CHST8: variants seen among roughly 807,000 people sequenced by gnomAD.
CHST8 encodes the protein GALNAC-4-ST1.
A neutral mutation model predicts 15.0 loss-of-function variants in CHST8; 10 were observed. The observed-to-expected ratio is 0.67, with a 90% confidence interval of 0.41 to 1.13. The LOEUF is 1.13. Ranked by LOEUF, CHST8 falls within the 50% of genes most tolerant of loss-of-function variation. The pLI is 0.00. For synonymous variants in CHST8, 259 were observed against 256.6 expected (o/e 1.01, Z -0.09); for missense variants, 634 against 608.2 (o/e 1.04, Z -0.45).
At chr19:33,690,916 G>A (rs573020910) in intron 3 of CHST8, among the ~76,000 whole-genome samples, 2 of 152,350 alleles carry the variant, frequency 1.3e-5, no homozygotes, top group Admixed American at 6.5e-5. Context: ...GACTGGGTGT[G>A]TCCTTGGTGT....
chr19:33,719,903 T>A (rs1032814716), intron 3 of CHST8, among the ~76,000 whole-genome samples: 2 of 152,140 alleles, frequency 1.3e-5, no homozygotes, highest in African/African-American at 4.8e-5. Context: ...ACAGAGCTAC[T>A]GCTGCAGCCA....
At chr19:33,755,337 G>A (rs7246633) in intron 3 of CHST8, among the ~76,000 whole-genome samples, 21,678 of 152,182 alleles carry the variant, frequency 0.14, 1,706 homozygotes, top group South Asian at 0.28. Flanking sequence ...AGCAGCCGTC[G>A]TAAGCATCCC....
chr19:33,705,437 T>C (rs946379691), intron 3 of CHST8, among the ~76,000 whole-genome samples: 2 of 151,824 alleles, frequency 1.3e-5, no homozygotes, highest in African/African-American at 4.8e-5. Flanking sequence ...GGCCAGAGAG[T>C]GGGGTTCTGG....
chr19:33,742,722 G>A (rs77320769), intron 3 of CHST8, among the ~76,000 whole-genome samples: 91 of 152,156 alleles, frequency 6.0e-4, no homozygotes, highest in Middle Eastern at 3.4e-3. Flanking sequence ...TGTATATATC[G>A]GCTTGTCGAC....
chr19:33,751,741 C>G (rs560838026), intron 3 of CHST8, among the ~76,000 whole-genome samples: 5 of 152,326 alleles, frequency 3.3e-5, no homozygotes, highest in African/African-American at 1.2e-4. Flanking sequence ...TGAGGGTGAC[C>G]CACTTAACCT....
intron 3 of CHST8, among the ~76,000 whole-genome samples, chr19:33,767,473 A>C (rs1974874091): frequency 1.3e-5 from 2 of 152,328 alleles, no homozygotes; most frequent in South Asian, 4.1e-4. Context: ...CTCAATCAGG[A>C]GGCTTTTCAG....
At chr19:33,644,570 A>T (rs756665076) in intron 1 of CHST8, among the ~76,000 whole-genome samples, 40 of 149,134 alleles carry the variant, frequency 2.7e-4, no homozygotes, top group Non-Finnish European at 3.9e-4. Flanking sequence ...CTCCGTCTCT[A>T]AAAAAAAAAA....
In CHST8 at chr19:33,772,157, G is replaced by A. The variant is rs775424791; in HGVS notation, c.369G>A (p.Ala123=). Reference sequence around the variant, plus strand: ...TCATCAAGAAAATGCCAGCTGCGGCGACCATCCCGGCCAACAGCTCGGACG... The same window carrying A: ...TCATCAAGAAAATGCCAGCTGCGGCAACCATCCCGGCCAACAGCTCGGACG... ...RLLIKKMPAA[A]TIPANSSDAP... is the part of the protein sequence containing the mutation. The change falls in exon 5 of 5, where the codon GCG becomes GCA. Residue 123 remains alanine, a synonymous_variant. Coordinates refer to ENST00000650847, the MANE Select transcript of CHST8 (RefSeq NM_001127895.2). The A allele has an allele frequency of 3.1e-6, 5 of 1,602,656 alleles. No individual in the cohort carries two copies. Among genetic ancestry groups the A allele is most frequent in the Admixed American group, 3.4e-5 (2 of 58,770 alleles).
At chr19:33,693,778 T>C (rs1036173348) in intron 3 of CHST8, among the ~76,000 whole-genome samples, 5 of 151,908 alleles carry the variant, frequency 3.3e-5, no homozygotes, top group Non-Finnish European at 7.4e-5. Flanking sequence ...AGGGGAGTTT[T>C]GGGGGACAGG....
At chr19:33,765,525 G>A (rs796914817) in intron 3 of CHST8, among the ~76,000 whole-genome samples, 20,994 of 132,226 alleles carry the variant, frequency 0.16, 1,520 homozygotes, top group African/African-American at 0.19. Flanking sequence ...GTGTGTGTGT[G>A]TGTGTGTGTG....
chr19:33,756,780 A>C (rs556890703), intron 3 of CHST8, among the ~76,000 whole-genome samples: 1 of 152,254 alleles, frequency 6.6e-6, no homozygotes, highest in South Asian at 2.1e-4. Context: ...CTCTTCTCCA[A>C]GTTCCCCAGT....
At chr19:33,729,831 G>A (rs1973964109) in intron 3 of CHST8, among the ~76,000 whole-genome samples, 1 of 152,240 alleles carries the variant, frequency 6.6e-6, no homozygotes, top group Non-Finnish European at 1.5e-5. Flanking sequence ...ACTGGTGGAA[G>A]AGTGCAGGGT....
At chr19:33,735,113 C>T (rs191485421) in intron 3 of CHST8, among the ~76,000 whole-genome samples, 1 of 152,284 alleles carries the variant, frequency 6.6e-6, no homozygotes, top group African/African-American at 2.4e-5. Flanking sequence ...TAGCTGTTGG[C>T]AGAGACAAAG....
chr19:33,623,885 C>G (rs1972017672), intron 1 of CHST8, among the ~76,000 whole-genome samples: 2 of 152,206 alleles, frequency 1.3e-5, no homozygotes, highest in Non-Finnish European at 2.9e-5. Context: ...AGACTGGCCT[C>G]TGTGAAGTGA....
intron 3 of CHST8, among the ~76,000 whole-genome samples, chr19:33,762,864 C>CTT (rs967177736): frequency 0.016 from 1,829 of 116,394 alleles, 32 homozygotes; most frequent in African/African-American, 0.052. Flanking sequence ...AGTTTTCTCT[C>CTT]TTTTTTTTTT....
chr19:33,766,717 G>A (rs954411640), intron 3 of CHST8, among the ~76,000 whole-genome samples: 1 of 152,214 alleles, frequency 6.6e-6, no homozygotes, highest in Non-Finnish European at 1.5e-5. Context: ...CTTGCCTTCA[G>A]GGAACTCCCC....
intron 3 of CHST8, among the ~76,000 whole-genome samples, chr19:33,691,325 GGTCT>G (rs1478633794): frequency 3.9e-5 from 6 of 152,158 alleles, no homozygotes; most frequent in Admixed American, 2.6e-4. Flanking sequence ...AGCACACGTG[GGTCT>G]TCTGATGGTC....
chr19:33,655,516 A>G lies in CHST8; in HGVS notation c.-163-12251A>G, dbSNP rs550908478. 2.0e-5 allele frequency among the ~76,000 whole-genome samples: 3 copies of G among 152,296 alleles called. No homozygotes were observed. The South Asian group carries it at 6.2e-4, about 32-fold the overall frequency. ...CTGGAACATTTTAAATAGCATAGAA[A>G]ATGTCTGTTCCTTGAAGGTTTGAAA... On this transcript the variant is annotated intron_variant, in intron 1 of 4. Transcript: ENST00000650847.
At chr19:33,644,904 G>A (rs562696437) in intron 1 of CHST8, among the ~76,000 whole-genome samples, 2 of 152,318 alleles carry the variant, frequency 1.3e-5, no homozygotes, top group South Asian at 4.1e-4. Flanking sequence ...TTGGGAAGAT[G>A]TGGACCATAC....
Sources: allele counts gnomAD v4.1 joint callset (sites outside exome capture counted in the v4.1 genomes callset), GRCh38; gene constraint gnomAD v4.1.1; transcripts MANE v1.5; gene names NCBI Gene and HGNC (gene_info 2026-07-23, HGNC 2026-07-21).